The following FUT8 variants were observed in gnomAD, a reference collection of about 807,000 sequenced individuals.
FUT8 encodes the protein alpha-(1,6)-fucosyltransferase.
Under a neutral mutation model 71.3 loss-of-function variants are expected in FUT8, and 29 were observed. The ratio of observed to expected loss-of-function variants is 0.41; its 90% CI spans 0.30 to 0.55. The LOEUF is 0.55. FUT8 is among the 20% of genes least tolerant of loss of function. The pLI is 0.34. For missense variants in FUT8, 544 were observed against 702.1 expected, an observed-to-expected ratio of 0.77 and a Z score of 2.55; for synonymous variants, 254 against 239.3, an observed-to-expected ratio of 1.06 and a Z score of -0.57.
chr14:65,571,518 G>A (rs561670880), intron 3 of FUT8, among the ~76,000 whole-genome samples: 1 of 152,246 alleles, frequency 6.6e-6, no homozygotes, highest in East Asian at 1.9e-4. Flanking sequence ...AGAATCTCAC[G>A]TGGTAGGAAA....
chr14:65,594,079 C>T (rs942740669), intron 3 of FUT8, among the ~76,000 whole-genome samples: 5 of 152,242 alleles, frequency 3.3e-5, no homozygotes, highest in African/African-American at 9.6e-5. Context: ...TAAAACTAGT[C>T]AGAAAATAAT....
At chr14:65,644,776 G>C (rs1891044239) in intron 6 of FUT8, among the ~76,000 whole-genome samples, 1 of 152,080 alleles carries the variant, frequency 6.6e-6, no homozygotes, top group Non-Finnish European at 1.5e-5. Flanking sequence ...ATATAACCTT[G>C]TTTTATGTGT....
chr14:65,488,675 T>C (rs1169549825), intron 2 of FUT8: 1 of 152,256 alleles, frequency 6.6e-6, no homozygotes, highest in Non-Finnish European at 1.5e-5. Flanking sequence ...TATCTGCTAG[T>C]TTGCCTCTTG....
At chr14:65,433,676 G>A (rs959203596) in intron 1 of FUT8, among the ~76,000 whole-genome samples, 1 of 152,194 alleles carries the variant, frequency 6.6e-6, no homozygotes, top group Non-Finnish European at 1.5e-5. Flanking sequence ...ATTAAAAGCT[G>A]TCTTGAAGGT....
At chr14:65,676,623 C>T (rs192335204) in intron 7 of FUT8, among the ~76,000 whole-genome samples, 58 of 150,402 alleles carry the variant, frequency 3.9e-4, no homozygotes, top group African/African-American at 1.3e-3. Context: ...TCTTCCTTCC[C>T]TCCTTCCCTT....
chr14:65,737,264 T>C (rs911594435), intron 10 of FUT8, among the ~76,000 whole-genome samples: 1 of 152,136 alleles, frequency 6.6e-6, no homozygotes, highest in African/African-American at 2.4e-5. Flanking sequence ...CTGTTAACTT[T>C]CATCAGATCT....
chr14:65,671,591 A>G (rs1192907454), intron 7 of FUT8, among the ~76,000 whole-genome samples: 1 of 152,204 alleles, frequency 6.6e-6, no homozygotes, highest in Non-Finnish European at 1.5e-5. Flanking sequence ...CCTCGTTACT[A>G]GCAGAATAAT....
chr14:65,498,543 A>G lies in FUT8; in HGVS notation c.-228+42825A>G, dbSNP rs980518891. 3.3e-5 allele frequency among the ~76,000 whole-genome samples: 5 copies of G among 152,168 alleles called. No individual in the cohort carries two copies. In the East Asian group the frequency reaches 9.6e-4, roughly 29 times the overall value. ...ATGTGCTTGTACTGAATGAAGCCAA[A>G]ATATGTTAGTAATGCTCTGCTTTAA... On this transcript the variant is annotated intron_variant, in intron 2 of 10. Transcript: ENST00000673929.
chr14:65,595,677 C>T (rs935643230), intron 3 of FUT8, among the ~76,000 whole-genome samples: 10 of 128,774 alleles, frequency 7.8e-5, no homozygotes, highest in South Asian at 5.4e-4. Context: ...GGTGGGATCT[C>T]GGCTCACTGC....
chr14:65,554,424 A>C (rs1885465824), intron 2 of FUT8, among the ~76,000 whole-genome samples: 1 of 100,216 alleles, frequency 1.0e-5, no homozygotes, highest in Non-Finnish European at 2.1e-5. Flanking sequence ...CTATATATCT[A>C]TATATATATT....
intron 3 of FUT8, among the ~76,000 whole-genome samples, chr14:65,576,696 C>CTTTTTTTTTTTTTTTTTTTTT (rs376473739): frequency 9.4e-5 from 9 of 96,212 alleles, no homozygotes; most frequent in African/African-American, 1.3e-4. Flanking sequence ...GCCCAGCTTG[C>CTTTTTTTTTTTTTTTTTTTTT]TTTTTTTTTT....
intron 3 of FUT8, among the ~76,000 whole-genome samples, chr14:65,572,358 C>G (rs1278713311): frequency 6.6e-6 from 1 of 152,090 alleles, no homozygotes; most frequent in African/African-American, 2.4e-5. Context: ...TCATTTAATC[C>G]CTATAGCAGC....
intron 7 of FUT8, among the ~76,000 whole-genome samples, chr14:65,695,551 C>T (rs931642062): frequency 6.6e-6 from 1 of 152,090 alleles, no homozygotes; most frequent in African/African-American, 2.4e-5. Context: ...TAGAGCTACT[C>T]TAGCTTTCTT....
At chr14:65,559,835 A>G (rs569244058) in intron 2 of FUT8, among the ~76,000 whole-genome samples, 1 of 152,242 alleles carries the variant, frequency 6.6e-6, no homozygotes, top group South Asian at 2.1e-4. Context: ...GGGACAGGAT[A>G]AACAATGGAG....
chr14:65,450,781 C>T (rs1220438569), intron 1 of FUT8, among the ~76,000 whole-genome samples: 3 of 151,818 alleles, frequency 2.0e-5, no homozygotes, highest in Non-Finnish European at 2.9e-5. Flanking sequence ...TTTTCTATTA[C>T]GTAATGAAGC....
the FUT8 span, among the ~76,000 whole-genome samples, chr14:65,368,092 C>T: frequency 2.7e-4 from 37 of 135,508 alleles, no homozygotes; most frequent in African/African-American, 9.6e-4. Flanking sequence ...CTCACTCTGT[C>T]GCCCAGGCTG....
intron 2 of FUT8, among the ~76,000 whole-genome samples, chr14:65,479,277 C>T (rs938473011): frequency 6.6e-6 from 1 of 152,142 alleles, no homozygotes; most frequent in African/African-American, 2.4e-5. Flanking sequence ...TCTACTTTTT[C>T]CTTAACATTA....
At chr14:65,461,795 A>G (rs545817678) in intron 2 of FUT8, among the ~76,000 whole-genome samples, 6 of 152,292 alleles carry the variant, frequency 3.9e-5, no homozygotes, top group African/African-American at 1.4e-4. Context: ...AGCTGAGAAG[A>G]TGGGAGCTTG....
the FUT8 span, among the ~76,000 whole-genome samples, chr14:65,360,673 G>A: frequency 1.3e-5 from 2 of 152,226 alleles, no homozygotes; most frequent in African/African-American, 4.8e-5. Context: ...CTGGGGCAAA[G>A]CCTCAACATT....
Sources: gnomAD v4.1 joint callset for allele counts (sites outside exome capture counted in the v4.1 genomes callset) on GRCh38, gnomAD v4.1.1 for gene constraint, MANE v1.5 for transcripts, NCBI Gene and HGNC (gene_info 2026-07-23, HGNC 2026-07-21) for gene names.